MPZL1: variants seen among roughly 807,000 people sequenced by gnomAD.
MPZL1 encodes myelin protein zero-like protein 1.
MPZL1 carries 16 observed loss-of-function variants against 29.3 expected under a neutral mutation model. The ratio of observed to expected loss-of-function variants is 0.55; its 90% CI spans 0.37 to 0.83. The LOEUF is 0.83. MPZL1 is among the 40% of genes least tolerant of loss of function. The pLI is 0.00. For synonymous variants in MPZL1, 143 were observed against 132.0 expected (o/e 1.08, Z -0.57); for missense variants, 279 against 332.9 (o/e 0.84, Z 1.26).
intron 1 of MPZL1, among the ~76,000 whole-genome samples, chr1:167,756,909 C>T (rs901718070): frequency 3.9e-5 from 6 of 151,956 alleles, no homozygotes; most frequent in Non-Finnish European, 5.9e-5. Flanking sequence ...GACAGGATGT[C>T]GGGGAGCACA....
At chr1:167,734,966 G>A (rs915348590) in intron 1 of MPZL1, among the ~76,000 whole-genome samples, 7 of 152,180 alleles carry the variant, frequency 4.6e-5, no homozygotes, top group African/African-American at 1.4e-4. Flanking sequence ...CCCTGCAGAC[G>A]TTGGGAATTC....
At chr1:167,751,408 G>A (rs536975463) in intron 1 of MPZL1, among the ~76,000 whole-genome samples, 3 of 152,258 alleles carry the variant, frequency 2.0e-5, no homozygotes, top group Admixed American at 6.5e-5. Context: ...GGTGGCTCAC[G>A]TCTGTAATCC....
intron 1 of MPZL1, 30 bp downstream of exon 1, chr1:167,722,272 CG>C (rs1342180247): frequency 1.6e-6 from 2 of 1,234,002 alleles, no homozygotes. Flanking sequence ...GGGCTGGGGC[CG>C]GGGAGTGGGG....
intron 1 of MPZL1, among the ~76,000 whole-genome samples, chr1:167,740,092 C>T (rs1337712198): frequency 1.3e-5 from 2 of 152,200 alleles, no homozygotes; most frequent in African/African-American, 2.4e-5. Context: ...AATCCCTCAA[C>T]CCTGGGAAAA....
intron 1 of MPZL1, among the ~76,000 whole-genome samples, chr1:167,730,780 T>C (rs1660247039): frequency 6.6e-6 from 1 of 152,216 alleles, no homozygotes; most frequent in East Asian, 1.9e-4. Flanking sequence ...CAGGTCCTTT[T>C]GCCATTAGAC....
chr1:167,771,448 C>A (rs886276300), intron 2 of MPZL1, among the ~76,000 whole-genome samples: 1 of 152,120 alleles, frequency 6.6e-6, no homozygotes, highest in African/African-American at 2.4e-5. Context: ...CACATTTCCC[C>A]CTTTTCTTTT....
intron 1 of MPZL1, among the ~76,000 whole-genome samples, chr1:167,748,597 T>C (rs1361487886): frequency 1.3e-5 from 2 of 152,322 alleles, no homozygotes; most frequent in East Asian, 3.9e-4. Context: ...CTTGGTAGTT[T>C]AAAGCAAAAA....
In MPZL1 at chr1:167,788,776, AAGGAG is replaced by A. The variant is rs1294968051; in HGVS notation, c.*861_*865del. The A allele has an allele frequency of 6.6e-6, 1 of 152,034 alleles. No homozygotes were observed. The highest frequency in any genetic ancestry group is 2.4e-5 in the African/African-American group (1 of 41,396). The allele number at this position is 152,034 out of a possible 1,614,324, so 9.4% of individuals were successfully genotyped here. On this transcript the variant is annotated 3_prime_UTR_variant, in exon 6 of 6. Coordinates refer to ENST00000359523, the MANE Select transcript of MPZL1 (RefSeq NM_003953.6). ...TGAAATAACAGTCACCATACAGCTA[AAGGAG>A]AGGAGTTTCTTTCCTTCTAAGTAGG... is the stretch of plus-strand genomic sequence containing the variant.
In MPZL1 at chr1:167,728,543, A is replaced by T. The variant is rs115357512; in HGVS notation, c.91+6301A>T. The stretch of plus-strand genomic sequence containing the variant: ...CTTTTTCAATGCATGTGGCTACTGT[A>T]ATTTTTTATTCACTTAACAATTTTT... On this transcript the variant is annotated intron_variant, in intron 1 of 5. Transcript: ENST00000359523. Among the ~76,000 whole-genome samples the T allele has an allele frequency of 5.9e-3, 903 of 151,940 alleles. 14 individuals are homozygous for T. The highest frequency in any genetic ancestry group is 0.021 in the African/African-American group (871 of 41,418).
chr1:167,766,015 A>G (rs776820092), intron 2 of MPZL1: 1 of 261,424 alleles, frequency 3.8e-6, no homozygotes, highest in Non-Finnish European at 7.2e-6. Flanking sequence ...GACTCTAATC[A>G]GGATTTATCC....
chr1:167,757,251 G>A (rs1401104020), intron 1 of MPZL1, among the ~76,000 whole-genome samples: 6 of 152,194 alleles, frequency 3.9e-5, no homozygotes, highest in Admixed American at 1.3e-4. Flanking sequence ...ACCAGCACAC[G>A]TCATTGAGTC....
In MPZL1 at chr1:167,772,340, C is replaced by T. The variant is rs1233928466; in HGVS notation, c.324C>T (p.Ser108=). 1 of 1,613,894 alleles carries T rather than the reference C, an allele frequency of 6.2e-7. No homozygotes were observed. The highest frequency in any genetic ancestry group is 1.1e-5 in the South Asian group (1 of 91,070). The change falls in exon 3 of 6, where the codon AGC becomes AGT. Residue 108 remains serine, a synonymous_variant. Coordinates refer to ENST00000359523, the MANE Select transcript of MPZL1 (RefSeq NM_003953.6). ...ATCCACCATTTAAAGACAGAATCAG[C>T]TGGGCTGGAGACCTTGACAAGAAAG... The part of the protein sequence containing the change: ...GNYPPFKDRI[S]WAGDLDKKDA...
chr1:167,754,848 C>G (rs1660834786), intron 1 of MPZL1, among the ~76,000 whole-genome samples: 1 of 152,116 alleles, frequency 6.6e-6, no homozygotes, highest in Non-Finnish European at 1.5e-5. Flanking sequence ...GGGGTGGGAC[C>G]CAGGCATTAG....
intron 1 of MPZL1, among the ~76,000 whole-genome samples, chr1:167,741,598 T>TGGC (rs1660527882): frequency 6.6e-6 from 1 of 152,070 alleles, no homozygotes; most frequent in East Asian, 1.9e-4. Context: ...GTGTTGGGAT[T>TGGC]ACAGGCATGA....
chr1:167,733,591 A>C (rs1354745345), intron 1 of MPZL1, among the ~76,000 whole-genome samples: 1 of 152,082 alleles, frequency 6.6e-6, no homozygotes, highest in Non-Finnish European at 1.5e-5. Flanking sequence ...CTAAAAATAC[A>C]AAAATTAGCT....
intron 1 of MPZL1, among the ~76,000 whole-genome samples, chr1:167,727,380 TTGTGTAAGACATACATCTCA>T (rs1660169652): frequency 6.6e-6 from 1 of 152,214 alleles, no homozygotes; most frequent in East Asian, 1.9e-4. Context: ...TTTGAATTAT[TTGTGTAAGACATACATCTCA>T]TGTGTACCTC....
intron 2 of MPZL1, among the ~76,000 whole-genome samples, chr1:167,766,200 G>T (rs1490003224): frequency 2.6e-5 from 4 of 152,118 alleles, no homozygotes; most frequent in African/African-American, 9.7e-5. Context: ...GGGTTATGTA[G>T]GGCCTTCAAA....
At position 167,776,162 on chromosome 1, in the gene MPZL1, A is replaced by G. The variant is rs767761846; in HGVS notation, c.704A>G (p.His235Arg). 1 of 1,610,118 alleles carries G rather than the reference A, an allele frequency of 6.2e-7. No homozygotes were observed. The highest frequency in any genetic ancestry group is 8.5e-7 in the Non-Finnish European group (1 of 1,177,030). ...GTAAAGAGTCTGCCTTCTGGATCTC[A>G]CCAGGTAATGGCTGATTGCGATTCT... The part of the protein sequence containing the change: ...GLVKSLPSGS[H>R]QGPVIYAQLD... Residue 235 changes from histidine to arginine, a missense_variant, in exon 5 of 6, where the codon CAC (histidine) becomes CGC (arginine). Coordinates refer to ENST00000359523, the MANE Select transcript of MPZL1 (RefSeq NM_003953.6).
intron 5 of MPZL1, among the ~76,000 whole-genome samples, chr1:167,787,568 A>G (rs1033597633): frequency 2.0e-4 from 31 of 152,194 alleles, no homozygotes; most frequent in Non-Finnish European, 2.9e-5. Flanking sequence ...ATTTTCAAAC[A>G]TCAAAAAGGT....
Sources: gnomAD v4.1 joint callset for allele counts (sites outside exome capture counted in the v4.1 genomes callset) on GRCh38, gnomAD v4.1.1 for gene constraint, MANE v1.5 for transcripts, NCBI Gene and HGNC (gene_info 2026-07-23, HGNC 2026-07-21) for gene names.